Variants in TRAPPC9 observed in about 807,000 individuals in gnomAD.
The protein encoded by TRAPPC9 is IKK2 binding protein.
In TRAPPC9, 83 loss-of-function variants were observed where a neutral mutation model predicts 124.0. The ratio of observed to expected loss-of-function variants is 0.67; its 90% CI spans 0.56 to 0.80. The LOEUF (loss-of-function observed/expected upper bound fraction) is 0.80, where lower values mean the gene tolerates loss of function less well. TRAPPC9 is among the 30% of genes least tolerant of loss of function. The pLI, the probability that TRAPPC9 is intolerant of heterozygous loss-of-function variation, is 0.00. For missense variants in TRAPPC9, 1,302 were observed against 1,508.3 expected (o/e 0.86, Z 2.27); for synonymous variants, 638 against 617.5 (o/e 1.03, Z -0.49).
chr8:140,151,943 G>A (rs2130830894), intron 17 of TRAPPC9, among the ~76,000 whole-genome samples: 1 of 152,218 alleles, frequency 6.6e-6, no homozygotes, highest in Middle Eastern at 3.4e-3. Flanking sequence ...CACTGCTCTG[G>A]CATTCACTTT....
At chr8:140,371,766 C>T (rs1318270826) in intron 7 of TRAPPC9, among the ~76,000 whole-genome samples, 1 of 151,992 alleles carries the variant, frequency 6.6e-6, no homozygotes, top group Non-Finnish European at 1.5e-5. Context: ...TGCAGTGGTA[C>T]GATCTTGGCT....
At chr8:139,871,179 T>C (rs1041926532) in intron 21 of TRAPPC9, among the ~76,000 whole-genome samples, 3 of 152,160 alleles carry the variant, frequency 2.0e-5, no homozygotes, top group Non-Finnish European at 4.4e-5. Flanking sequence ...TGATTACAAG[T>C]GAGAGTCCGC....
intron 21 of TRAPPC9, among the ~76,000 whole-genome samples, chr8:139,878,706 T>C (rs1829488246): frequency 6.6e-6 from 1 of 152,220 alleles, no homozygotes; most frequent in South Asian, 2.1e-4. Flanking sequence ...AGCTTGCACC[T>C]GAACTCCCAG....
rs566189979 is a variant in TRAPPC9 at position 140,239,620 on chromosome 8, G to A, written c.2431+13157C>T. Among the ~76,000 whole-genome samples, 386 of 152,300 alleles carry A rather than the reference G, an allele frequency of 2.5e-3. 8 individuals are homozygous for A. The highest frequency in any genetic ancestry group is 5.6e-4 in the Non-Finnish European group (38 of 68,024). On this transcript the variant is annotated intron_variant, in intron 16 of 22. Transcript: ENST00000438773. ...CTCCTCACGGCCGTGGAGGGGATGC[G>A]TGGGAGGCGCCTGGACACCTACACC...
At chr8:140,333,479 G>A (rs1391433962) in intron 9 of TRAPPC9, among the ~76,000 whole-genome samples, 2 of 152,200 alleles carry the variant, frequency 1.3e-5, no homozygotes, top group East Asian at 1.9e-4. Context: ...TGCAACCTCC[G>A]CCTCCCAGAT....
chr8:140,095,327 A>G (rs1563756229), intron 17 of TRAPPC9: 1 of 152,282 alleles, frequency 6.6e-6, no homozygotes, highest in African/African-American at 2.4e-5. Context: ...GCTGGGACAG[A>G]GAATGGCAAA....
chr8:140,065,987 G>C (rs1419290318), intron 17 of TRAPPC9, among the ~76,000 whole-genome samples: 2 of 152,178 alleles, frequency 1.3e-5, no homozygotes, highest in Non-Finnish European at 1.5e-5. Context: ...GATGGATCTG[G>C]GCAAAGTACA....
At chr8:140,178,115 G>C (rs908060002) in intron 17 of TRAPPC9, among the ~76,000 whole-genome samples, 1 of 151,976 alleles carries the variant, frequency 6.6e-6, no homozygotes, top group East Asian at 1.9e-4. Context: ...TCCAATCTGG[G>C]CACATTTTTT....
At chr8:139,826,384 GGGGCTGCAGGAGCCGGCCGGGTGAGCCT>G (rs1230419638) in intron 21 of TRAPPC9, among the ~76,000 whole-genome samples, 1 of 152,202 alleles carries the variant, frequency 6.6e-6, no homozygotes, top group Non-Finnish European at 1.5e-5. Context: ...TCAGCAGATG[GGGGCTGCAGGAGCCGGCCGGGTGAGCCT>G]GGGCAAGCCA....
intron 16 of TRAPPC9, among the ~76,000 whole-genome samples, chr8:140,249,597 CTTTTTT>C (rs35511380): frequency 1.2e-5 from 1 of 81,962 alleles, no homozygotes. Context: ...ATCTTTCACT[CTTTTTT>C]TTTTTTTTTT....
At chr8:139,828,030 C>A (rs915165435) in intron 21 of TRAPPC9, among the ~76,000 whole-genome samples, 2 of 152,192 alleles carry the variant, frequency 1.3e-5, no homozygotes, top group Non-Finnish European at 1.5e-5. Flanking sequence ...AATCCACCCC[C>A]ACGATCCAAA....
chr8:139,910,660 T>C (rs1025417374), intron 19 of TRAPPC9, among the ~76,000 whole-genome samples: 3 of 152,170 alleles, frequency 2.0e-5, no homozygotes, highest in African/African-American at 7.2e-5. Flanking sequence ...TGGAGAACGC[T>C]GACAATTATT....
At chr8:140,276,969 A>G (rs916023599) in intron 14 of TRAPPC9, among the ~76,000 whole-genome samples, 2 of 152,138 alleles carry the variant, frequency 1.3e-5, no homozygotes, top group African/African-American at 4.8e-5. Flanking sequence ...CATGAAGTCA[A>G]CTAAGCGGAC....
intron 1 of TRAPPC9, among the ~76,000 whole-genome samples, chr8:140,457,008 A>C (rs1158620317): frequency 1.3e-5 from 2 of 152,200 alleles, no homozygotes; most frequent in African/African-American, 4.8e-5. Flanking sequence ...TCCCTGGGAT[A>C]AGTTGGAGTT....
At chr8:139,738,547 CG>C (rs1368693491) in intron 21 of TRAPPC9, among the ~76,000 whole-genome samples, 1 of 152,198 alleles carries the variant, frequency 6.6e-6, no homozygotes, top group Non-Finnish European at 1.5e-5. Context: ...GCTATGAAGA[CG>C]GGGGAAGGCG....
In TRAPPC9 at chr8:139,803,243, T is replaced by C. The variant is rs111888788; in HGVS notation, c.3056-71041A>G. On this transcript the variant is annotated intron_variant, in intron 21 of 22. Transcript: ENST00000438773. ...AGGTGTATGTCTGTGTGCTGTTGAG[T>C]GTGTGTGTGTCACAGGCTCTCATCA... 6.4e-3 allele frequency among the ~76,000 whole-genome samples: 969 copies of C among 152,274 alleles called. 8 individuals are homozygous for C. The highest frequency in any genetic ancestry group is 0.022 in the African/African-American group (922 of 41,534).
chr8:139,972,713 C>T (rs968740289), intron 19 of TRAPPC9, among the ~76,000 whole-genome samples: 1 of 152,240 alleles, frequency 6.6e-6, no homozygotes, highest in African/African-American at 2.4e-5. Context: ...AACTAAGCCT[C>T]AGCATCTGAG....
In TRAPPC9 at chr8:140,284,021, C is replaced by T. The variant is rs760093468; in HGVS notation, c.1982G>A (p.Gly661Asp). The T allele has an allele frequency of 1.9e-6, 3 of 1,613,988 alleles. No individual in the cohort carries two copies. Among genetic ancestry groups the T allele is most frequent in the African/African-American group, 1.3e-5 (1 of 75,026 alleles). ...CACACCGAAGACCGTGGTATGGTAA[C>T]CTGGAATAGAAAAGGAACTTCTTCA... The part of the protein sequence containing the change: ...PQTTGTITVN[G>D]YHTTVFGVFS... Residue 661 changes from glycine (G) to aspartate (D), a missense_variant and splice_region_variant, in exon 14 of 23, where the codon GGT becomes GAT. By Grantham distance (94) the Gly-to-Asp change is moderately conservative. Coordinates refer to ENST00000438773, the MANE Select transcript of TRAPPC9 (RefSeq NM_001160372.4).
intron 17 of TRAPPC9, among the ~76,000 whole-genome samples, chr8:140,141,993 G>A (rs142459853): frequency 9.2e-5 from 14 of 152,328 alleles, no homozygotes; most frequent in Non-Finnish European, 1.5e-4. Flanking sequence ...AAAGCACAGG[G>A]CTGATAGACT....
Sources: allele counts gnomAD v4.1 joint callset (sites outside exome capture counted in the v4.1 genomes callset), GRCh38; gene constraint gnomAD v4.1.1; transcripts MANE v1.5; gene names NCBI Gene and HGNC (gene_info 2026-07-23, HGNC 2026-07-21).